XRN1: variants seen among roughly 807,000 people sequenced by gnomAD.
The protein encoded by XRN1 is strand-exchange protein 1 homolog.
Under a neutral mutation model 222.3 loss-of-function variants are expected in XRN1, and 67 were observed. The ratio of observed to expected loss-of-function variants is 0.30; its 90% CI spans 0.25 to 0.37. The LOEUF is 0.37. Ranked by LOEUF, XRN1 falls within the 10% of genes least tolerant of loss-of-function variation. The pLI is 1.00. For synonymous variants in XRN1, 643 were observed against 652.4 expected (o/e 0.99, Z 0.22); for missense variants, 1,707 against 2,000.2 (o/e 0.85, Z 2.80).
chr3:142,367,614 T>C (rs2066859522), intron 27 of XRN1, among the ~76,000 whole-genome samples: 1 of 152,076 alleles, frequency 6.6e-6, no homozygotes, highest in South Asian at 2.1e-4. Flanking sequence ...AACGTGATCA[T>C]AGCTCACTGC....
chr3:142,410,916 T>G (rs1160688729), intron 15 of XRN1, among the ~76,000 whole-genome samples: 1 of 152,224 alleles, frequency 6.6e-6, no homozygotes, highest in Admixed American at 6.5e-5. Context: ...AATAAAATGT[T>G]GGGAAGCAAT....
intron 10 of XRN1, among the ~76,000 whole-genome samples, chr3:142,419,676 G>A (rs141721209): frequency 3.5e-4 from 53 of 152,110 alleles, no homozygotes; most frequent in East Asian, 2.9e-3. Context: ...GGGTGGTGGC[G>A]CGCACCTCTA....
At chr3:142,446,217 C>A (rs1411377809) in intron 1 of XRN1, among the ~76,000 whole-genome samples, 1 of 152,208 alleles carries the variant, frequency 6.6e-6, no homozygotes, top group East Asian at 1.9e-4. Flanking sequence ...CCCTATCCTT[C>A]CCGCCCAGGA....
At chr3:142,446,187 TC>T (rs1217554979) in intron 1 of XRN1, among the ~76,000 whole-genome samples, 1 of 152,234 alleles carries the variant, frequency 6.6e-6, no homozygotes, top group African/African-American at 2.4e-5. Flanking sequence ...ACCACTGACT[TC>T]CCGTAACTTA....
At chr3:142,420,932 C>T in intron 10 of XRN1, 84 bp downstream of exon 10, 1 of 1,569,704 alleles carries the variant, frequency 6.4e-7, no homozygotes, top group African/African-American at 1.4e-5. Flanking sequence ...AATCCCAAAT[C>T]ATAAGAAGGA....
chr3:142,318,469 T>C (rs1226171127), intron 39 of XRN1, 123 bp downstream of exon 39: 4 of 912,136 alleles, frequency 4.4e-6, no homozygotes, highest in Non-Finnish European at 6.7e-6. Context: ...AGGCTGTGGC[T>C]TTAGGCTTTC....
At chr3:142,389,926 G>C (rs2067655001) in intron 20 of XRN1, among the ~76,000 whole-genome samples, 1 of 152,208 alleles carries the variant, frequency 6.6e-6, no homozygotes, top group African/African-American at 2.4e-5. Context: ...TGTTGTGTTT[G>C]CATGTGTGAA....
Position 142,384,556 on chromosome 3 carries a change from T to G in XRN1, c.2469A>C (p.Gln823His). The change falls in exon 21 of 41, where the codon CAA becomes CAC. Residue 823 changes from glutamine (Q) to histidine (H), a missense_variant. Transcript: ENST00000392981. ...EVRLEKQWSK[Q>H]VVPFVYQTIV... ...TAGTTTGATAAACAAAAGGAACAAC[T>G]TGTTTTGACCACTGTTTCTCTAGAC... The G allele has an allele frequency of 6.2e-7, 1 of 1,611,782 alleles. No individual in the cohort carries two copies. Among genetic ancestry groups the G allele is most frequent in the Non-Finnish European group, 8.5e-7 (1 of 1,179,314 alleles).
chr3:142,347,138 ATTTAC>A (rs1475759079), intron 33 of XRN1, 91 bp downstream of exon 33: 6 of 916,498 alleles, frequency 6.5e-6, no homozygotes, highest in African/African-American at 3.5e-5. Flanking sequence ...AAAATAATGA[ATTTAC>A]TTTATGGTAT....
intron 33 of XRN1, among the ~76,000 whole-genome samples, chr3:142,340,137 CCT>C (rs1251067652): frequency 6.6e-6 from 1 of 152,076 alleles, no homozygotes; most frequent in Non-Finnish European, 1.5e-5. Context: ...AGGTGGATCA[CCT>C]GAGGTCGGGA....
At position 142,311,084 on chromosome 3, in the gene XRN1, C is replaced by T. The variant is rs75713044; in HGVS notation, c.*427G>A. Reference sequence around the variant, plus strand: ...ACATTCAGTAAGTTATACTGGAGGCCCAAATTTCATGCTCCATGTAATTAT... The same window carrying T: ...ACATTCAGTAAGTTATACTGGAGGCTCAAATTTCATGCTCCATGTAATTAT... On this transcript the variant is annotated 3_prime_UTR_variant, in exon 41 of 41. Transcript: ENST00000392981. 782 of 153,056 alleles carry T rather than the reference C, an allele frequency of 5.1e-3. 9 individuals carry two copies. Among genetic ancestry groups the T allele is most frequent in the African/African-American group, 0.018 (760 of 41,522 alleles). 9.5% of individuals were successfully genotyped at this position (153,056 alleles called of 1,614,324 possible).
chr3:142,317,685 A>G (rs1190178997), intron 39 of XRN1, among the ~76,000 whole-genome samples: 1 of 152,156 alleles, frequency 6.6e-6, no homozygotes, highest in East Asian at 1.9e-4. Flanking sequence ...CTTTGCACAT[A>G]GACTTTCAAC....
chr3:142,403,942 T>C lies in XRN1; in HGVS notation c.1931A>G (p.Asn644Ser), dbSNP rs1205196247. 2 of 1,609,656 alleles carry C rather than the reference T, an allele frequency of 1.2e-6. No individual in the cohort carries two copies. The highest frequency in any genetic ancestry group is 1.7e-6 in the Non-Finnish European group (2 of 1,176,280). The stretch of plus-strand genomic sequence containing the variant: ...TTTCTGGTCAATTCTGGTTATTTTG[T>C]TTTTGTTTATGTCTACACGCCAAGC... ...LDAWRVDINK[N>S]KITRIDQKAL... Residue 644 changes from asparagine to serine, a missense_variant, in exon 17 of 41, where the codon AAC (asparagine) becomes AGC (serine). Asn to Ser is a conservative substitution (Grantham distance 46, BLOSUM62 1). Around this residue, in one of 2 missense-constraint regions of XRN1, gnomAD observed 1,234 missense variants for 1,518.2 expected, o/e 0.81. Coordinates refer to ENST00000392981, the MANE Select transcript of XRN1 (RefSeq NM_001282857.2).
rs2070556338 is a variant in XRN1, at chr3:142,447,380, C to CG, written c.75+489dup. 6.6e-6 allele frequency among the ~76,000 whole-genome samples: 1 copy of CG among 152,108 alleles called. No individual in the cohort carries two copies. The highest frequency in any genetic ancestry group is 2.4e-5 in the African/African-American group (1 of 41,434). On this transcript the variant is annotated intron_variant, in intron 1 of 40. Transcript: ENST00000392981. This position sits in a 1 kb window ranked among gnomAD's most constrained non-coding sequence, Gnocchi z 4.2. ...CAGCCACGTCGGAAAGTCTAGGCTC[C>CG]GGGGGCCGGGTGGGCCGCGCTCTAG...
chr3:142,432,206 T>C (rs1400053321), intron 2 of XRN1, among the ~76,000 whole-genome samples: 2 of 103,490 alleles, frequency 1.9e-5, no homozygotes, highest in Non-Finnish European at 4.2e-5. Context: ...ATTTTATATA[T>C]AATTAATTAT....
At chr3:142,327,436 G>C (rs1052215720) in intron 37 of XRN1, among the ~76,000 whole-genome samples, 1 of 151,378 alleles carries the variant, frequency 6.6e-6, no homozygotes, top group African/African-American at 2.4e-5. Flanking sequence ...TGTGTTATCA[G>C]ATGTAATGAC....
In XRN1 at chr3:142,447,917, T is replaced by C; in HGVS notation, c.28A>G (p.Ile10Val). The change falls in exon 1 of 41, where the codon ATC becomes GTC. Residue 10 changes from isoleucine to valine, a missense_variant. Ile to Val is a conservative substitution (Grantham distance 29). Coordinates refer to ENST00000392981, the MANE Select transcript of XRN1 (RefSeq NM_001282857.2). The surrounding 1 kb of genome is among the most constrained non-coding windows in gnomAD (Gnocchi z 4.2). The stretch of plus-strand genomic sequence containing the variant: ...CTGAGACAGGGATACCGCTCTGAGA[T>C]CCATCTGTAAAACTTGGGGACTCCC... MGVPKFYRWISERYPCLSEV... is the reference protein window; with the variant it reads MGVPKFYRWVSERYPCLSEV... 1.2e-6 allele frequency: 2 copies of C among 1,613,948 alleles called. No individual in the cohort carries two copies. Among genetic ancestry groups the C allele is most frequent in the Non-Finnish European group, 1.7e-6 (2 of 1,179,950 alleles).
chr3:142,382,799 C>A (rs932724816), intron 22 of XRN1, among the ~76,000 whole-genome samples: 2 of 152,014 alleles, frequency 1.3e-5, no homozygotes, highest in African/African-American at 4.8e-5. Flanking sequence ...ATATATGTGC[C>A]TATATACACA....
At chr3:142,429,093 G>A in intron 2 of XRN1, among the ~76,000 whole-genome samples, 1 of 151,560 alleles carries the variant, frequency 6.6e-6, no homozygotes, top group Admixed American at 6.6e-5. Context: ...AAATGCTGTG[G>A]ATAAATGAAA....
Sources: allele counts gnomAD v4.1 joint callset (sites outside exome capture counted in the v4.1 genomes callset), GRCh38; gene constraint gnomAD v4.1.1; regional missense constraint gnomAD v4.1.1; non-coding constraint Gnocchi (gnomAD v3.1); transcripts MANE v1.5; gene names NCBI Gene and HGNC (gene_info 2026-07-23, HGNC 2026-07-21).